The following FNIP1 variants were observed in gnomAD, a reference collection of about 807,000 sequenced individuals.
The protein encoded by FNIP1 is folliculin-interacting protein 1.
Under a neutral mutation model 124.5 loss-of-function variants are expected in FNIP1, and 40 were observed. The observed-to-expected ratio is 0.32, with a 90% CI of 0.25 to 0.42. The LOEUF (loss-of-function observed/expected upper bound fraction) is 0.42, where lower values mean the gene tolerates loss of function less well. FNIP1 is among the 10% of genes least tolerant of loss of function. FNIP1 has a pLI of 1.00. For synonymous variants in FNIP1, 472 were observed against 470.6 expected (o/e 1.00, Z -0.04); for missense variants, 1,176 against 1,403.7 (o/e 0.84, Z 2.59).
chr5:131,706,523 T>C lies in FNIP1; in HGVS notation c.802A>G (p.Thr268Ala), dbSNP rs1313808461. The stretch of plus-strand genomic sequence containing the variant: ...GAGGAGTTTGGGGAAGGAAATGGAG[T>C]GATCAGCAAGCTGCTGAGAGATGCT... ...RSASLSSLLI[T>A]PFPSPNSSLT... Residue 268 changes from threonine to alanine, a missense_variant, in exon 9 of 18, where the codon ACT becomes GCT. Coordinates refer to ENST00000510461, the MANE Select transcript of FNIP1 (RefSeq NM_133372.3). 2 of 1,604,170 alleles carry C rather than the reference T, an allele frequency of 1.2e-6. No homozygotes were observed. Among genetic ancestry groups the C allele is most frequent in the South Asian group, 1.1e-5 (1 of 89,562 alleles).
At chr5:131,734,247 T>A (rs1770205982) in intron 2 of FNIP1, among the ~76,000 whole-genome samples, 1 of 152,230 alleles carries the variant, frequency 6.6e-6, no homozygotes, top group South Asian at 2.1e-4. Flanking sequence ...TAGCGGTTTA[T>A]CAATTTTGTT....
intron 1 of FNIP1, among the ~76,000 whole-genome samples, chr5:131,761,081 T>A (rs2149571898): frequency 6.6e-6 from 1 of 152,358 alleles, no homozygotes; most frequent in Admixed American, 6.5e-5. Context: ...TCTGAGTTTT[T>A]AAAAACCTCT....
At chr5:131,786,189 A>G (rs745811833) in intron 1 of FNIP1, among the ~76,000 whole-genome samples, 4 of 152,250 alleles carry the variant, frequency 2.6e-5, no homozygotes, top group Non-Finnish European at 5.9e-5. Context: ...GAACTTTTTC[A>G]GTTCAGTGAC....
At chr5:131,656,054 A>C (rs1320899292) in intron 15 of FNIP1, among the ~76,000 whole-genome samples, 1 of 152,238 alleles carries the variant, frequency 6.6e-6, no homozygotes, top group Non-Finnish European at 1.5e-5. Flanking sequence ...TCTGGGTGAC[A>C]GAGTAAGACT....
At chr5:131,745,374 G>A (rs937671449) in intron 1 of FNIP1, among the ~76,000 whole-genome samples, 13 of 151,878 alleles carry the variant, frequency 8.6e-5, no homozygotes, top group Non-Finnish European at 1.8e-4. Flanking sequence ...AACAAAATTC[G>A]CCAGGCATGG....
intron 8 of FNIP1, among the ~76,000 whole-genome samples, chr5:131,708,605 G>A (rs893829981): frequency 3.0e-4 from 46 of 152,040 alleles, no homozygotes; most frequent in African/African-American, 9.7e-4. Flanking sequence ...AGCTTTTTGC[G>A]CAGGCCTATC....
rs371479580 is a variant in FNIP1 at position 131,647,195 on chromosome 5, T to C, written c.3317A>G (p.His1106Arg). The change falls in exon 17 of 18, where the codon CAT (histidine) becomes CGT (arginine). Residue 1106 changes from histidine (H) to arginine (R), a missense_variant. By Grantham distance (29) the His-to-Arg change is conservative. Around this residue, in one of 2 missense-constraint regions of FNIP1, gnomAD observed 67 missense variants for 115.2 expected, o/e 0.58. Coordinates refer to ENST00000510461, the MANE Select transcript of FNIP1 (RefSeq NM_133372.3). ...HNLSPNFCVMHLEDRLQELYF... is the reference protein window; with the variant it reads ...HNLSPNFCVMRLEDRLQELYF... Reference sequence around the variant, plus strand: ...TAGCTCCTGCAACCGGTCTTCAAGATGCATTACACACTGCAGTTAGGGAGG... The same window carrying C: ...TAGCTCCTGCAACCGGTCTTCAAGACGCATTACACACTGCAGTTAGGGAGG... The C allele has an allele frequency of 1.1e-5, 17 of 1,613,772 alleles. No individual in the cohort carries two copies. Among genetic ancestry groups the C allele is most frequent in the Non-Finnish European group, 1.4e-5 (17 of 1,179,806 alleles).
intron 2 of FNIP1, among the ~76,000 whole-genome samples, chr5:131,733,036 G>T (rs1326336932): frequency 6.6e-6 from 1 of 151,984 alleles, no homozygotes; most frequent in Non-Finnish European, 1.5e-5. Flanking sequence ...CCTTGAAGAG[G>T]TCCTTCACAT....
At position 131,678,317 on chromosome 5, in the gene FNIP1, T is replaced by C. The variant is rs538533660; in HGVS notation, c.1350-445A>G. Among the ~76,000 whole-genome samples the C allele has an allele frequency of 2.0e-5, 3 of 152,348 alleles. No individual in the cohort carries two copies. In the South Asian group the frequency reaches 6.2e-4, roughly 32 times the overall value. On this transcript the variant is annotated intron_variant, in intron 12 of 17. Coordinates refer to ENST00000510461, the MANE Select transcript of FNIP1 (RefSeq NM_133372.3). ...AAAACAACTGAATTATTCATCTGGA[T>C]TCCAAAGACTTGAATAGTTAAAATA...
In FNIP1 at chr5:131,703,569, C is replaced by T. The variant is rs148598027; in HGVS notation, c.1116+496G>A. On this transcript the variant is annotated intron_variant, in intron 10 of 17. Transcript: ENST00000510461. ...TCCTGCAATAAGGCCTTTGCCCCTGCCTGGAATATCTCGTTCCAGATGGTT... is the reference window on the plus strand; with the variant it reads ...TCCTGCAATAAGGCCTTTGCCCCTGTCTGGAATATCTCGTTCCAGATGGTT... Among the ~76,000 whole-genome samples the T allele has an allele frequency of 3.6e-3, 550 of 152,320 alleles. 2 individuals carry two copies. The highest frequency in any genetic ancestry group is 0.013 in the African/African-American group (535 of 41,568).
At chr5:131,674,373 A>G (rs1767851971) in intron 13 of FNIP1, among the ~76,000 whole-genome samples, 1 of 152,226 alleles carries the variant, frequency 6.6e-6, no homozygotes, top group Non-Finnish European at 1.5e-5. Flanking sequence ...TAGCATTTCT[A>G]TATTTATGCT....
chr5:131,751,425 A>AG (rs1323143737), intron 1 of FNIP1, among the ~76,000 whole-genome samples: 1 of 152,036 alleles, frequency 6.6e-6, no homozygotes, highest in Non-Finnish European at 1.5e-5. Context: ...TTCTTCCACT[A>AG]GAAAAAAAAA....
rs370419295 is a variant in FNIP1, at chr5:131,671,471, T to C, written c.2939+34A>G. 5.3e-6 allele frequency: 8 copies of C among 1,497,192 alleles called. No homozygotes were observed. In the African/African-American group the frequency reaches 8.3e-5, roughly 16 times the overall value. 92.7% of individuals were successfully genotyped at this position (1,497,192 alleles called of 1,614,324 possible). A position where few individuals can be genotyped will look rare whatever the true frequency, so the allele number is the denominator to read the frequency against. On this transcript the variant is annotated intron_variant, in intron 14 of 17. Transcript: ENST00000510461. ...AAAAAGAGAATGGTACATATTTATA[T>C]AGGGCCCATTATAGGTGAAAACTTC...
At chr5:131,711,861 A>G (rs1279422538) in intron 6 of FNIP1, among the ~76,000 whole-genome samples, 4 of 152,202 alleles carry the variant, frequency 2.6e-5, no homozygotes, top group Non-Finnish European at 4.4e-5. Flanking sequence ...TAATTACAGC[A>G]CATGTACAGC....
intron 14 of FNIP1, 47 bp from the exon 15 acceptor site, chr5:131,670,678 A>T: frequency 2.2e-6 from 3 of 1,356,842 alleles, no homozygotes; most frequent in Non-Finnish European, 2.0e-6. Context: ...TAATAAATAT[A>T]TTTAACCAGT....
intron 1 of FNIP1, among the ~76,000 whole-genome samples, chr5:131,752,050 CTTTTT>C (rs971921452): frequency 6.6e-6 from 1 of 151,262 alleles, no homozygotes; most frequent in Non-Finnish European, 1.5e-5. Flanking sequence ...AGTTTGTATT[CTTTTT>C]TTTTGGAGAC....
intron 2 of FNIP1, among the ~76,000 whole-genome samples, chr5:131,736,403 C>G (rs1770306172): frequency 6.6e-6 from 1 of 152,142 alleles, no homozygotes; most frequent in South Asian, 2.1e-4. Context: ...ATAGACAAAA[C>G]CCAGTTGGCT....
intron 1 of FNIP1, chr5:131,795,719 G>C (rs1361776880): frequency 6.6e-6 from 1 of 152,240 alleles, no homozygotes; most frequent in Non-Finnish European, 1.5e-5. Flanking sequence ...TAGCAAGAGA[G>C]AGTGAATAAT....
chr5:131,713,093 G>A (rs1339709258), intron 6 of FNIP1, among the ~76,000 whole-genome samples: 1 of 151,894 alleles, frequency 6.6e-6, no homozygotes, highest in African/African-American at 2.4e-5. Context: ...GTCTCGCTCA[G>A]GCTGGAGTGC....
Sources: allele counts gnomAD v4.1 joint callset (sites outside exome capture counted in the v4.1 genomes callset), GRCh38; gene constraint gnomAD v4.1.1; regional missense constraint gnomAD v4.1.1; transcripts MANE v1.5; gene names NCBI Gene and HGNC (gene_info 2026-07-23, HGNC 2026-07-21).